Variants in TNS3 observed in about 807,000 individuals in gnomAD.
The protein encoded by TNS3 is tensin-3.
In TNS3, 45 loss-of-function variants were observed where a neutral mutation model predicts 140.9. The ratio of observed to expected loss-of-function variants is 0.32; its 90% confidence interval spans 0.25 to 0.41. The LOEUF (loss-of-function observed/expected upper bound fraction) is 0.41. Ranked by LOEUF, TNS3 falls within the 10% of genes least tolerant of loss-of-function variation. TNS3 has a pLI of 1.00. For missense variants in TNS3, 1,716 were observed against 1,906.7 expected (o/e 0.90, Z 1.86); for synonymous variants, 815 against 788.4 (o/e 1.03, Z -0.56).
intron 3 of TNS3, among the ~76,000 whole-genome samples, chr7:47,489,113 TAAGCGTCA>T (rs1213908753): frequency 6.6e-6 from 1 of 152,186 alleles, no homozygotes; most frequent in Non-Finnish European, 1.5e-5. Flanking sequence ...GTTATCCCAC[TAAGCGTCA>T]AAGCCCAATT....
chr7:47,376,896 G>A (rs1056284090), intron 16 of TNS3, among the ~76,000 whole-genome samples: 7 of 152,150 alleles, frequency 4.6e-5, no homozygotes, highest in Non-Finnish European at 7.3e-5. Context: ...TTTTTGTTCC[G>A]TTTCTTAAAG....
intron 1 of TNS3, among the ~76,000 whole-genome samples, chr7:47,556,810 C>T (rs1028853510): frequency 1.3e-5 from 2 of 152,224 alleles, no homozygotes; most frequent in African/African-American, 4.8e-5. Flanking sequence ...ATGCAACCTC[C>T]CATAAACCCA....
Position 47,303,255 on chromosome 7 carries a change from G to T in TNS3, c.3152C>A (p.Pro1051His), listed in dbSNP as rs1346805043. ...CCCTGTCGCTGTCAGCGGGATGCTG[G>T]GGGTCGGTGACGCTCCATGAGAATT... Reference protein sequence around the residue: ...LANSHGASPTPSIPLTATGAA... With the variant: ...LANSHGASPTHSIPLTATGAA... The change falls in exon 22 of 31, where the codon CCC becomes CAC. Residue 1051 changes from proline (P) to histidine (H), a missense_variant. Around this residue, in one of 3 missense-constraint regions of TNS3, gnomAD observed 1,163 missense variants for 1,182.1 expected, o/e 0.98. Transcript: ENST00000311160. The T allele has an allele frequency of 1.9e-6, 3 of 1,613,616 alleles. No individual in the cohort carries two copies. In the African/African-American group the frequency reaches 4.0e-5, roughly 22 times the overall value.
chr7:47,322,725 G>A (rs1787818315), intron 20 of TNS3, among the ~76,000 whole-genome samples: 1 of 152,166 alleles, frequency 6.6e-6, no homozygotes, highest in Non-Finnish European at 1.5e-5. Flanking sequence ...TTTACCATGA[G>A]TCGAGTGCAG....
intron 4 of TNS3, among the ~76,000 whole-genome samples, chr7:47,445,199 G>T (rs1283547541): frequency 1.3e-5 from 2 of 152,156 alleles, no homozygotes; most frequent in African/African-American, 4.8e-5. Context: ...ACCCGCATCT[G>T]TCCACCTCAT....
intron 20 of TNS3, among the ~76,000 whole-genome samples, chr7:47,317,843 ACCCAC>A (rs1352471731): frequency 6.6e-6 from 1 of 152,036 alleles, no homozygotes; most frequent in Non-Finnish European, 1.5e-5. Context: ...AGAGAGAGAG[ACCCAC>A]CCGCTGAGTG....
chr7:47,533,864 G>A (rs1429177611), intron 1 of TNS3, among the ~76,000 whole-genome samples: 1 of 152,094 alleles, frequency 6.6e-6, no homozygotes, highest in Non-Finnish European at 1.5e-5. Flanking sequence ...ATGATTGTGA[G>A]GCCTCCCCAG....
intron 3 of TNS3, among the ~76,000 whole-genome samples, chr7:47,503,905 G>C (rs913147275): frequency 6.6e-6 from 1 of 151,958 alleles, no homozygotes; most frequent in African/African-American, 2.4e-5. Context: ...ATCTCTCTGG[G>C]GTCCCTTTTA....
intron 16 of TNS3, among the ~76,000 whole-genome samples, chr7:47,383,497 A>G (rs533205537): frequency 6.6e-6 from 1 of 152,336 alleles, no homozygotes; most frequent in East Asian, 1.9e-4. Flanking sequence ...TGAACGTACT[A>G]AAAATCAATG....
Position 47,293,773 on chromosome 7 carries a change from C to A in TNS3, c.3732G>T (p.Lys1244Asn). The A allele has an allele frequency of 6.2e-7, 1 of 1,614,212 alleles. No individual in the cohort carries two copies. Among genetic ancestry groups the A allele is most frequent in the South Asian group, 1.1e-5 (1 of 91,084 alleles). The change falls in exon 25 of 31, where the codon AAG becomes AAT. Residue 1244 changes from lysine (K) to asparagine (N), a missense_variant. Physicochemically the swap from Lys to Asn is moderately conservative, Grantham distance 94. Coordinates refer to ENST00000311160, the MANE Select transcript of TNS3 (RefSeq NM_022748.12). ...TCGAGCACCCTTTCAACCGCACTCCCTTCGGGGTACACTCGATCAAAAAGT... is the reference window on the plus strand; with the variant it reads ...TCGAGCACCCTTTCAACCGCACTCCATTCGGGGTACACTCGATCAAAAAGT... Reference protein sequence around the residue: ...VRHFLIECTPKGVRLKGCSNE... With the variant: ...VRHFLIECTPNGVRLKGCSNE...
chr7:47,531,696 G>A (rs1169872470), intron 1 of TNS3, among the ~76,000 whole-genome samples: 1 of 152,216 alleles, frequency 6.6e-6, no homozygotes, highest in African/African-American at 2.4e-5. Context: ...TGATGACAGC[G>A]GTTGCTACCA....
At position 47,303,201 on chromosome 7, in the gene TNS3, T is replaced by C. The variant is rs1354765600; in HGVS notation, c.3206A>G (p.Asn1069Ser). The change falls in exon 22 of 31, where the codon AAC becomes AGC. Residue 1069 changes from asparagine (N) to serine (S), a missense_variant. Physicochemically the swap from Asn to Ser is conservative, Grantham distance 46. Transcript: ENST00000311160. ...GAADNGFLSHNFLTVAPGHSS... is the reference protein window; with the variant it reads ...GAADNGFLSHSFLTVAPGHSS... ...GTGTCCAGGCGCCACCGTGAGAAAG[T>C]TGTGGGACAGGAAGCCATTGTCGGC... 2 of 1,613,476 alleles carry C rather than the reference T, an allele frequency of 1.2e-6. No individual in the cohort carries two copies. The highest frequency in any genetic ancestry group is 1.7e-6 in the Non-Finnish European group (2 of 1,179,984).
intron 4 of TNS3, among the ~76,000 whole-genome samples, chr7:47,453,722 G>C (rs2151646049): frequency 6.6e-6 from 1 of 152,374 alleles, no homozygotes; most frequent in Admixed American, 6.5e-5. Context: ...TGAGGCACCA[G>C]ACGGTTCTGA....
chr7:47,424,328 A>ATCCACC, intron 9 of TNS3, 144 bp from the exon 10 acceptor site: 1 of 664,100 alleles, frequency 1.5e-6, no homozygotes, highest in South Asian at 1.9e-5. Flanking sequence ...TGCACACCCA[A>ATCCACC]TCCACCTGTC....
chr7:47,476,628 C>T (rs1283466832), intron 4 of TNS3, among the ~76,000 whole-genome samples: 2 of 152,206 alleles, frequency 1.3e-5, no homozygotes, highest in African/African-American at 2.4e-5. Context: ...TCATTCTGCT[C>T]GACTCATGGA....
chr7:47,330,982 C>T (rs1788309948), intron 20 of TNS3, among the ~76,000 whole-genome samples: 1 of 152,194 alleles, frequency 6.6e-6, no homozygotes, highest in African/African-American at 2.4e-5. Flanking sequence ...CTTATGTGTG[C>T]ACACAATAAG....
At chr7:47,568,393 C>T (rs1406746702) in intron 1 of TNS3, among the ~76,000 whole-genome samples, 1 of 152,118 alleles carries the variant, frequency 6.6e-6, no homozygotes, top group East Asian at 1.9e-4. Flanking sequence ...CCTGCCATGT[C>T]CAAGCTGAGA....
Position 47,400,458 on chromosome 7 carries a change from T to A in TNS3, c.854A>T (p.Asp285Val). The change falls in exon 15 of 31, where the codon GAT (aspartate) becomes GTT (valine). Residue 285 changes from aspartate (D) to valine (V), a missense_variant and splice_region_variant. Physicochemically the swap from Asp to Val is radical, Grantham distance 152 (BLOSUM62 -3). Transcript: ENST00000311160. Reference sequence around the variant, plus strand: ...CTTCCCATAGTCAGGAAAACGGTCATCTGAAAAAAACAATGTATTTTAACA... The same window carrying A: ...CTTCCCATAGTCAGGAAAACGGTCAACTGAAAAAAACAATGTATTTTAACA... The part of the protein sequence containing the change: ...GKEDLDNASK[D>V]DRFPDYGKVE... 6.2e-7 allele frequency: 1 copy of A among 1,613,916 alleles called. No homozygotes were observed. The highest frequency in any genetic ancestry group is 8.5e-7 in the Non-Finnish European group (1 of 1,179,892).
chr7:47,389,079 A>AGAAAGAGGAAGCGGAAGC (rs1562675248), intron 16 of TNS3, among the ~76,000 whole-genome samples: 1 of 62,080 alleles, frequency 1.6e-5, no homozygotes, highest in African/African-American at 7.6e-5. Flanking sequence ...GAAGAAGAAG[A>AGAAAGAGGAAGCGGAAGC]AGAAGAGGAA....
Sources: allele counts gnomAD v4.1 joint callset (sites outside exome capture counted in the v4.1 genomes callset), GRCh38; gene constraint gnomAD v4.1.1; regional missense constraint gnomAD v4.1.1; transcripts MANE v1.5; gene names NCBI Gene and HGNC (gene_info 2026-07-23, HGNC 2026-07-21).